The following KIF3A variants were observed in gnomAD, a reference collection of about 807,000 sequenced individuals.
KIF3A encodes the protein kinesin family member 3A.
Under a neutral mutation model 92.6 loss-of-function variants are expected in KIF3A, and 27 were observed. That is an observed-to-expected ratio of 0.29 (90% CI 0.21 to 0.40). The LOEUF is 0.40. Ranked by LOEUF, KIF3A falls within the 10% of genes least tolerant of loss-of-function variation. The probability of loss-of-function intolerance (pLI) is 1.00; values close to 1 mark genes in which losing one functional copy is unlikely to be tolerated. For missense variants in KIF3A, 581 were observed against 872.6 expected (o/e 0.67, Z 4.21); for synonymous variants, 250 against 275.4 (o/e 0.91, Z 0.92).
At chr5:132,736,559 T>G (rs73787052) in intron 1 of KIF3A, among the ~76,000 whole-genome samples, 1 of 152,222 alleles carries the variant, frequency 6.6e-6, no homozygotes, top group East Asian at 1.9e-4. Flanking sequence ...GGGCCTAGCA[T>G]GTGGTTGGTG....
chr5:132,712,917 T>G (rs754898732), intron 8 of KIF3A, among the ~76,000 whole-genome samples: 8 of 152,142 alleles, frequency 5.3e-5, no homozygotes, highest in Non-Finnish European at 1.0e-4. Context: ...CCCAGCACTT[T>G]GAGATGCCGA....
chr5:132,729,101 G>A (rs1202918919), intron 2 of KIF3A, among the ~76,000 whole-genome samples: 3 of 152,142 alleles, frequency 2.0e-5, no homozygotes, highest in East Asian at 1.9e-4. Context: ...GCGTAAGAAC[G>A]ATACAGCGGA....
At chr5:132,720,424 T>C (rs1457811774) in intron 5 of KIF3A, among the ~76,000 whole-genome samples, 185 bp downstream of exon 5, 1 of 152,168 alleles carries the variant, frequency 6.6e-6, no homozygotes. Context: ...TTGCTCGGCA[T>C]GGAAAATGAT....
At chr5:132,732,974 G>GA (rs1449421547) in intron 2 of KIF3A, among the ~76,000 whole-genome samples, 1 of 151,798 alleles carries the variant, frequency 6.6e-6, no homozygotes, top group African/African-American at 2.4e-5. Flanking sequence ...GATGAAGCTT[G>GA]AAAACACTGT....
At chr5:132,703,087 C>T (rs765920703) in intron 12 of KIF3A, 22 bp from the exon 13 acceptor site, 4 of 1,563,616 alleles carry the variant, frequency 2.6e-6, no homozygotes, top group Non-Finnish European at 3.5e-6. Flanking sequence ...AATGAGAATA[C>T]TCTATATTCA....
At chr5:132,691,602 C>G (rs973738087), downstream of KIF3A, among the ~76,000 whole-genome samples, 1 of 150,768 alleles carries the variant, frequency 6.6e-6, no homozygotes, top group Non-Finnish European at 1.5e-5. Context: ...AGAAGAAGCA[C>G]ATTTAAAAAC....
intron 1 of KIF3A, among the ~76,000 whole-genome samples, chr5:132,737,146 G>T (rs903822220): frequency 6.6e-6 from 1 of 152,214 alleles, no homozygotes; most frequent in South Asian, 2.1e-4. Flanking sequence ...CCAGCACAGC[G>T]CCTTTTTGAT....
In KIF3A at chr5:132,703,085, T is replaced by C. The variant is rs1753095759; in HGVS notation, c.1467-20A>G. 2.1e-5 allele frequency: 33 copies of C among 1,567,486 alleles called. No homozygotes were observed. The East Asian group carries it at 7.2e-4, about 34-fold the overall frequency. On this transcript the variant is annotated intron_variant, in intron 12 of 18. Coordinates refer to ENST00000403231, the MANE Select transcript of KIF3A (RefSeq NM_001300791.2). ...TCTTGTCTGTTGATTAGAATGAGAA[T>C]ACTCTATATTCACTGATGATCTATT...
At chr5:132,710,086 T>C (rs1753363709) in intron 9 of KIF3A, among the ~76,000 whole-genome samples, 1 of 152,228 alleles carries the variant, frequency 6.6e-6, no homozygotes, top group Non-Finnish European at 1.5e-5. Context: ...TAGGCCATTA[T>C]AATATGTCCA....
In KIF3A at chr5:132,695,458, C is replaced by T. The variant is rs1406441375; in HGVS notation, c.*1176G>A. 6.6e-6 allele frequency: 1 copy of T among 152,236 alleles called. No individual in the cohort carries two copies. The highest frequency in any genetic ancestry group is 1.5e-5 in the Non-Finnish European group (1 of 68,034). The allele number at this position is 152,236 out of a possible 1,614,324, so 9.4% of individuals were successfully genotyped here. On this transcript the variant is annotated 3_prime_UTR_variant, in exon 19 of 19. Coordinates refer to ENST00000403231, the MANE Select transcript of KIF3A (RefSeq NM_001300791.2). ...AAGTGCTGGGATTACAGGCGTGAGCCACCATGCCCGGCCAGGAGTAGCATA... is the reference window on the plus strand; with the variant it reads ...AAGTGCTGGGATTACAGGCGTGAGCTACCATGCCCGGCCAGGAGTAGCATA...
At chr5:132,724,240 G>A (rs1321152587) in intron 4 of KIF3A, among the ~76,000 whole-genome samples, 3 of 152,124 alleles carry the variant, frequency 2.0e-5, no homozygotes, top group Admixed American at 1.3e-4. Context: ...TCAGTGTGGC[G>A]ATTCCTCAGG....
intron 9 of KIF3A, among the ~76,000 whole-genome samples, 194 bp downstream of exon 9, chr5:132,710,765 A>G (rs1290134114): frequency 6.6e-6 from 1 of 152,236 alleles, no homozygotes; most frequent in Non-Finnish European, 1.5e-5. Context: ...AAAACAGAAC[A>G]TATATTCAAA....
downstream of KIF3A, among the ~76,000 whole-genome samples, chr5:132,690,274 C>G (rs763816245): frequency 5.9e-5 from 9 of 151,636 alleles, no homozygotes; most frequent in African/African-American, 1.9e-4. Flanking sequence ...ACCTGTAGTC[C>G]TAGTTACTCA....
rs1752830906 is a variant in KIF3A, at chr5:132,696,249, T to A, written c.*385A>T. 1 of 155,730 alleles carries A rather than the reference T, an allele frequency of 6.4e-6. No individual in the cohort carries two copies. Among genetic ancestry groups the A allele is most frequent in the Non-Finnish European group, 1.4e-5 (1 of 71,580 alleles). The allele number at this position is 155,730 out of a possible 1,614,324, so 9.6% of individuals were successfully genotyped here. A position where few individuals can be genotyped will look rare whatever the true frequency, so the allele number is the denominator to read the frequency against. ...ACAATCTGATCTGCTTCTTTCTATG[T>A]GCAAAACAGGACACAGTTTTTTTTT... On this transcript the variant is annotated 3_prime_UTR_variant, in exon 19 of 19. Transcript: ENST00000403231.
At chr5:132,699,611 TGCAGTA>T (rs1561689377) in intron 17 of KIF3A, 1 of 449,178 alleles carries the variant, frequency 2.2e-6, no homozygotes, top group East Asian at 6.8e-5. Context: ...CAGGCTGGAG[TGCAGTA>T]GCGCGATCTG....
chr5:132,723,173 T>C (rs1753883397), intron 4 of KIF3A: 1 of 152,170 alleles, frequency 6.6e-6, no homozygotes, highest in South Asian at 2.1e-4. Context: ...TGGAAGAACA[T>C]TCCATGCTCA....
At chr5:132,737,347 C>A in intron 1 of KIF3A, 67 bp downstream of exon 1, 2 of 1,550,546 alleles carry the variant, frequency 1.3e-6, no homozygotes, top group South Asian at 2.4e-5. Context: ...TCCATGGCAA[C>A]GGCCGCGCCC....
At chr5:132,715,103 T>C (rs1054180321) in intron 8 of KIF3A, among the ~76,000 whole-genome samples, 21 of 152,184 alleles carry the variant, frequency 1.4e-4, no homozygotes, top group Non-Finnish European at 2.9e-4. Flanking sequence ...CCTGTTTACG[T>C]GGTTCGCGAA....
chr5:132,725,775 G>A (rs1424514268), intron 4 of KIF3A, among the ~76,000 whole-genome samples: 4 of 152,096 alleles, frequency 2.6e-5, no homozygotes, highest in African/African-American at 9.7e-5. Context: ...ATTCTACAAT[G>A]GCAGCTACTG....
Sources: gnomAD v4.1 joint callset for allele counts (sites outside exome capture counted in the v4.1 genomes callset) on GRCh38, gnomAD v4.1.1 for gene constraint, MANE v1.5 for transcripts, NCBI Gene and HGNC (gene_info 2026-07-23, HGNC 2026-07-21) for gene names.